DRICH1: variants seen among roughly 807,000 people sequenced by gnomAD.
The protein encoded by DRICH1 is aspartate-rich protein 1.
In DRICH1, 38 loss-of-function variants were observed where a neutral mutation model predicts 39.5. The observed-to-expected ratio is 0.96, with a 90% CI of 0.74 to 1.26. The LOEUF is 1.26. DRICH1 is among the 50% of genes most tolerant of loss of function. The pLI is 0.00. For synonymous variants in DRICH1, 84 were observed against 99.5 expected, an observed-to-expected ratio of 0.84 and a Z score of 0.93; for missense variants, 279 against 270.4, an observed-to-expected ratio of 1.03 and a Z score of -0.22.
chr22:23,617,978 A>G (rs1927470834), intron 6 of DRICH1, among the ~76,000 whole-genome samples: 2 of 152,204 alleles, frequency 1.3e-5, no homozygotes, highest in African/African-American at 4.8e-5. Context: ...TAATGTATTC[A>G]AGACTGTGTA....
At chr22:23,602,982 CT>C in the DRICH1 span, among the ~76,000 whole-genome samples, 1 of 149,808 alleles carries the variant, frequency 6.7e-6, no homozygotes, top group African/African-American at 2.5e-5. Context: ...GCTGTTTCCA[CT>C]TTTCCCTCCA....
rs914734644 is a variant in DRICH1, at chr22:23,613,540, C to T, written c.643+99G>A. 9 of 1,039,300 alleles carry T rather than the reference C, an allele frequency of 8.7e-6. No homozygotes were observed. In the African/African-American group the frequency reaches 1.3e-4, roughly 15 times the overall value. The allele number at this position is 1,039,300 out of a possible 1,614,324, so 64.4% of individuals were successfully genotyped here. A position where few individuals can be genotyped will look rare whatever the true frequency, so the allele number is the denominator to read the frequency against. ...CTGGCAGAATCACTTTCACGAGAAC[C>T]CCAAGCCTCTTTCCCAGCAGGACCC... On this transcript the variant is annotated intron_variant, in intron 10 of 11. Coordinates refer to ENST00000317749, the MANE Select transcript of DRICH1 (RefSeq NM_016449.4).
chr22:23,607,510 C>G (rs928529730), downstream of DRICH1, among the ~76,000 whole-genome samples: 3 of 146,718 alleles, frequency 2.0e-5, no homozygotes, highest in Admixed American at 6.8e-5. Flanking sequence ...CTGCCTTGGC[C>G]GTGGCCATGT....
chr22:23,630,556 G>C (rs1352017734), intron 1 of DRICH1: 2 of 152,176 alleles, frequency 1.3e-5, no homozygotes, highest in African/African-American at 4.8e-5. Context: ...GACTTGGGAG[G>C]CTGAGGTGAG....
intron 7 of DRICH1, 69 bp from the exon 8 acceptor site, chr22:23,616,943 T>TTAGTCTCTTG (rs1190113320): frequency 6.4e-7 from 1 of 1,570,166 alleles, no homozygotes; most frequent in African/African-American, 1.4e-5. Context: ...CACAGATCTG[T>TTAGTCTCTTG]TAGTCTCTTG....
chr22:23,612,511 G>A (rs567330428), intron 11 of DRICH1, among the ~76,000 whole-genome samples: 1 of 146,380 alleles, frequency 6.8e-6, no homozygotes, highest in Admixed American at 6.8e-5. Flanking sequence ...CTTAAGTGAT[G>A]AATAGCAACT....
At chr22:23,589,987 G>A in the DRICH1 span, among the ~76,000 whole-genome samples, 3 of 152,116 alleles carry the variant, frequency 2.0e-5, no homozygotes, top group African/African-American at 2.4e-5. Flanking sequence ...AGTTTGGCTC[G>A]ATCCCCGGAT....
chr22:23,594,987 T>C, the DRICH1 span, among the ~76,000 whole-genome samples: 21 of 146,902 alleles, frequency 1.4e-4, no homozygotes, highest in Middle Eastern at 0.01. Flanking sequence ...AAACCCTAAC[T>C]GGGGAAGAAA....
At chr22:23,620,498 C>T in intron 5 of DRICH1, 96 bp downstream of exon 5, 1 of 1,364,168 alleles carries the variant, frequency 7.3e-7, no homozygotes, top group East Asian at 2.3e-5. Flanking sequence ...TCTCACCACA[C>T]CCCCAATATT....
the DRICH1 span, among the ~76,000 whole-genome samples, chr22:23,598,031 G>A: frequency 4.0e-5 from 6 of 150,830 alleles, no homozygotes; most frequent in Admixed American, 2.7e-4. Flanking sequence ...CCTTAGCCTG[G>A]GGATTCCCAA....
chr22:23,619,509 A>G, intron 5 of DRICH1, 116 bp from the exon 6 acceptor site: 1 of 717,006 alleles, frequency 1.4e-6, no homozygotes, highest in East Asian at 2.7e-5. Flanking sequence ...TGAGATTGAA[A>G]TCTACAAAAA....
At chr22:23,593,939 C>G in the DRICH1 span, among the ~76,000 whole-genome samples, 3 of 149,990 alleles carry the variant, frequency 2.0e-5, no homozygotes, top group East Asian at 5.9e-4. Context: ...GATGTCACCA[C>G]TGCACTCCAG....
chr22:23,584,044 A>G, the DRICH1 span, among the ~76,000 whole-genome samples: 1 of 152,230 alleles, frequency 6.6e-6, no homozygotes, highest in South Asian at 2.1e-4. Flanking sequence ...AGGCAGCCTC[A>G]GACCACATCT....
the DRICH1 span, among the ~76,000 whole-genome samples, chr22:23,586,617 C>G: frequency 1.3e-5 from 2 of 152,226 alleles, no homozygotes; most frequent in Non-Finnish European, 2.9e-5. Flanking sequence ...AATCTCGGCT[C>G]ACTGCAACCT....
chr22:23,606,064 T>G (rs376505649), downstream of DRICH1, among the ~76,000 whole-genome samples: 13 of 151,824 alleles, frequency 8.6e-5, 1 homozygote, highest in Admixed American at 2.0e-4. Flanking sequence ...AAAAAAAATT[T>G]TTTTTTTTGA....
At chr22:23,601,420 C>A in the DRICH1 span, among the ~76,000 whole-genome samples, 2 of 152,106 alleles carry the variant, frequency 1.3e-5, no homozygotes, top group Admixed American at 6.6e-5. Flanking sequence ...GGAGGAACAC[C>A]CAGAAAACTA....
chr22:23,616,709 C>T (rs761075747), intron 8 of DRICH1, 144 bp downstream of exon 8: 66 of 1,127,196 alleles, frequency 5.9e-5, no homozygotes, highest in Non-Finnish European at 8.4e-5. Flanking sequence ...TTCTACAGCC[C>T]CTCTTCTCAT....
chr22:23,607,634 C>T (rs990171668), downstream of DRICH1, among the ~76,000 whole-genome samples: 6 of 152,090 alleles, frequency 3.9e-5, no homozygotes, highest in Non-Finnish European at 5.9e-5. Context: ...GGCCCCTGAA[C>T]CAGACCCTGG....
intron 9 of DRICH1, 141 bp from the exon 10 acceptor site, chr22:23,613,801 G>C (rs1927186497): frequency 2.0e-5 from 13 of 646,946 alleles, no homozygotes; most frequent in Non-Finnish European, 2.7e-6. Context: ...CCAAAGACTA[G>C]CACAGAGGAT....
Sources: allele counts gnomAD v4.1 joint callset (sites outside exome capture counted in the v4.1 genomes callset), GRCh38; gene constraint gnomAD v4.1.1; transcripts MANE v1.5; gene names NCBI Gene and HGNC (gene_info 2026-07-23, HGNC 2026-07-21).